GRID2: variants seen among roughly 807,000 people sequenced by gnomAD.
GRID2 encodes the protein glutamate receptor ionotropic, delta-2.
In GRID2, 33 loss-of-function variants were observed where a neutral mutation model predicts 114.8. The observed-to-expected ratio is 0.29, with a 90% CI of 0.22 to 0.38. GRID2 has a LOEUF of 0.38. GRID2 is among the 10% of genes least tolerant of loss of function. GRID2 has a pLI of 1.00. For missense variants in GRID2, 1,184 were observed against 1,257.7 expected (o/e 0.94, Z 0.89); for synonymous variants, 505 against 449.9 (o/e 1.12, Z -1.55).
chr4:93,596,267 T>C (rs1739075852), intron 13 of GRID2, among the ~76,000 whole-genome samples: 1 of 152,220 alleles, frequency 6.6e-6, no homozygotes, highest in South Asian at 2.1e-4. Context: ...TACCCCAATA[T>C]GGCTTTCTTA....
chr4:93,292,203 G>A (rs1257749264), intron 8 of GRID2, among the ~76,000 whole-genome samples: 4 of 152,232 alleles, frequency 2.6e-5, no homozygotes, highest in South Asian at 4.1e-4. Context: ...AATTTGTAGA[G>A]GAATAGCTGC....
chr4:93,354,038 CACACAT>C (rs1283130788), intron 8 of GRID2, among the ~76,000 whole-genome samples: 5 of 151,376 alleles, frequency 3.3e-5, no homozygotes, highest in South Asian at 2.1e-4. Flanking sequence ...CACACACACA[CACACAT>C]ATGCCAGACA....
chr4:93,544,448 C>G (rs1424899114), intron 13 of GRID2, among the ~76,000 whole-genome samples: 2 of 151,996 alleles, frequency 1.3e-5, no homozygotes, highest in Non-Finnish European at 2.9e-5. Context: ...TTTATATATT[C>G]TAAAATTTAG....
intron 2 of GRID2, among the ~76,000 whole-genome samples, chr4:93,074,718 A>G (rs570903869): frequency 1.3e-5 from 2 of 152,322 alleles, no homozygotes; most frequent in South Asian, 4.1e-4. Context: ...TTTCTTTGAG[A>G]AAATTAATAA....
In GRID2 at chr4:92,775,452, A is replaced by G. The variant is rs751482879; in HGVS notation, c.244+185166A>G. On this transcript the variant is annotated intron_variant, in intron 2 of 15. Coordinates refer to ENST00000282020, the MANE Select transcript of GRID2 (RefSeq NM_001510.4). Reference sequence around the variant, plus strand: ...CTAAATAAGACAGTAAATTTTATGTATCAACCTTCCAAGAGGAAGTCTATG... The same window carrying G: ...CTAAATAAGACAGTAAATTTTATGTGTCAACCTTCCAAGAGGAAGTCTATG... 9.2e-5 allele frequency among the ~76,000 whole-genome samples: 14 copies of G among 152,182 alleles called. 1 individual carries two copies. Among genetic ancestry groups the G allele is most frequent in the Non-Finnish European group, 1.6e-4 (11 of 68,020 alleles).
intron 2 of GRID2, among the ~76,000 whole-genome samples, chr4:93,061,692 G>A (rs1414613616): frequency 6.6e-6 from 1 of 152,100 alleles, no homozygotes; most frequent in Non-Finnish European, 1.5e-5. Context: ...CAGAGATACA[G>A]CAGTCTTCTC....
intron 14 of GRID2, among the ~76,000 whole-genome samples, chr4:93,635,179 A>T (rs866945932): frequency 6.6e-6 from 1 of 151,452 alleles, no homozygotes; most frequent in African/African-American, 2.4e-5. Context: ...TAATTTATAT[A>T]TATGTTTTAT....
At chr4:93,703,166 G>A (rs1414847591) in intron 14 of GRID2, among the ~76,000 whole-genome samples, 1 of 152,030 alleles carries the variant, frequency 6.6e-6, no homozygotes, top group Non-Finnish European at 1.5e-5. Context: ...TACCGTTTGT[G>A]TTGTCCCTAT....
chr4:92,554,272 G>A (rs7677052), intron 1 of GRID2, among the ~76,000 whole-genome samples: 33,769 of 151,978 alleles, frequency 0.22, 4,639 homozygotes, highest in African/African-American at 0.39. Context: ...TAGTGATGCC[G>A]TCTATAAGAA....
intron 11 of GRID2, among the ~76,000 whole-genome samples, chr4:93,471,757 A>G (rs1254426976): frequency 1.3e-5 from 1 of 76,458 alleles, no homozygotes; most frequent in African/African-American, 6.0e-5. Context: ...CTGGAGTGCA[A>G]TGGCGTGATC....
chr4:92,385,688 T>C (rs1246881948), intron 1 of GRID2, among the ~76,000 whole-genome samples: 1 of 151,496 alleles, frequency 6.6e-6, no homozygotes, highest in Non-Finnish European at 1.5e-5. Context: ...TAGGTTTCTA[T>C]ACATTTGTTT....
chr4:93,301,714 C>T (rs563460654), intron 8 of GRID2, among the ~76,000 whole-genome samples: 4 of 152,212 alleles, frequency 2.6e-5, no homozygotes, highest in South Asian at 4.1e-4. Context: ...TCAGTGCTTA[C>T]GATATCAGCA....
At chr4:93,349,913 G>C (rs1760628693) in intron 8 of GRID2, among the ~76,000 whole-genome samples, 1 of 152,122 alleles carries the variant, frequency 6.6e-6, no homozygotes, top group East Asian at 1.9e-4. Context: ...TAATATGTGT[G>C]GGATGGGGGT....
chr4:93,664,743 C>A (rs1371358), intron 14 of GRID2, among the ~76,000 whole-genome samples: 116,356 of 152,020 alleles, frequency 0.77, 45,548 homozygotes, highest in African/African-American at 0.94. Context: ...TTTGCTTTGC[C>A]GTTTATTAGC....
chr4:93,027,487 C>G (rs1022012712), intron 2 of GRID2, among the ~76,000 whole-genome samples: 6 of 152,030 alleles, frequency 3.9e-5, no homozygotes, highest in African/African-American at 1.4e-4. Flanking sequence ...CCTTGTATTG[C>G]TGGATTTTAC....
chr4:93,035,967 T>C (rs1215642193), intron 2 of GRID2, among the ~76,000 whole-genome samples: 1 of 152,150 alleles, frequency 6.6e-6, no homozygotes, highest in Non-Finnish European at 1.5e-5. Context: ...GGGAACATCA[T>C]AGAGGCTGCC....
intron 9 of GRID2, among the ~76,000 whole-genome samples, chr4:93,404,833 G>A (rs1043130206): frequency 2.0e-5 from 3 of 152,120 alleles, no homozygotes; most frequent in African/African-American, 7.2e-5. Context: ...GCGGAAGTAT[G>A]TAGATATGAT....
intron 2 of GRID2, among the ~76,000 whole-genome samples, chr4:92,944,163 A>C (rs1192806160): frequency 6.6e-6 from 1 of 152,204 alleles, no homozygotes; most frequent in African/African-American, 2.4e-5. Context: ...TTGTATGGCT[A>C]TGCCCTGCCC....
intron 2 of GRID2, among the ~76,000 whole-genome samples, chr4:93,012,125 C>T (rs1722240754): frequency 6.8e-6 from 1 of 147,420 alleles, no homozygotes; most frequent in African/African-American, 2.5e-5. Context: ...TGTAAGTGTA[C>T]TTCAGATAAG....
Sources: gnomAD v4.1 joint callset for allele counts (sites outside exome capture counted in the v4.1 genomes callset) on GRCh38, gnomAD v4.1.1 for gene constraint, MANE v1.5 for transcripts, NCBI Gene and HGNC (gene_info 2026-07-23, HGNC 2026-07-21) for gene names.